Variants in BFSP1 observed in about 807,000 individuals in gnomAD.
BFSP1 encodes the protein filensin.
A neutral mutation model predicts 43.9 loss-of-function variants in BFSP1; 38 were observed. The ratio of observed to expected loss-of-function variants is 0.87; its 90% CI spans 0.67 to 1.14. The LOEUF (loss-of-function observed/expected upper bound fraction) is 1.14. Among genes scored for constraint, BFSP1 ranks in the 50% most tolerant of loss-of-function variants. The probability of loss-of-function intolerance (pLI) is 0.00; values close to 1 mark genes in which losing one functional copy is unlikely to be tolerated. For synonymous variants in BFSP1, 352 were observed against 354.8 expected (o/e 0.99, Z 0.09); for missense variants, 850 against 875.1 (o/e 0.97, Z 0.36).
intron 1 of BFSP1, 67 bp downstream of exon 1, chr20:17,530,886 C>A: frequency 7.6e-7 from 1 of 1,316,278 alleles, no homozygotes; most frequent in South Asian, 2.0e-5. Flanking sequence ...TAGCAGCGTG[C>A]TCCCAGCCCC....
chr20:17,496,342 C>T (rs561903754), intron 7 of BFSP1, among the ~76,000 whole-genome samples: 1 of 152,304 alleles, frequency 6.6e-6, no homozygotes, highest in South Asian at 2.1e-4. Context: ...CCAAATGCTG[C>T]GCTTGTTCAG....
intron 1 of BFSP1, among the ~76,000 whole-genome samples, chr20:17,568,682 A>T (rs1462994251): frequency 6.6e-6 from 1 of 152,138 alleles, no homozygotes; most frequent in Non-Finnish European, 1.5e-5. Flanking sequence ...TCAGGTGGTA[A>T]AGGCTTAGAA....
intron 2 of BFSP1, among the ~76,000 whole-genome samples, chr20:17,523,737 C>CTGTCCTGGTTTGAACATATCATACG (rs1568698805): frequency 2.0e-5 from 3 of 151,630 alleles, no homozygotes; most frequent in Non-Finnish European, 4.4e-5. Flanking sequence ...CTTTTGCACA[C>CTGTCCTGGTTTGAACATATCATACG]TGTCCTGGTT....
At chr20:17,496,505 G>A (rs890406654) in intron 7 of BFSP1, among the ~76,000 whole-genome samples, 5 of 152,270 alleles carry the variant, frequency 3.3e-5, no homozygotes, top group African/African-American at 1.2e-4. Flanking sequence ...CATGTTACAC[G>A]CGTTGGCACA....
At chr20:17,547,026 C>CAAAA (rs11324389) in intron 1 of BFSP1, among the ~76,000 whole-genome samples, 11 of 77,584 alleles carry the variant, frequency 1.4e-4, no homozygotes, top group African/African-American at 2.1e-4. Context: ...GACTCCATCT[C>CAAAA]AAAAAAAAAA....
At chr20:17,498,005 G>A (rs187333487) in intron 6 of BFSP1, among the ~76,000 whole-genome samples, 9 of 152,222 alleles carry the variant, frequency 5.9e-5, no homozygotes, top group African/African-American at 1.9e-4. Flanking sequence ...CAGATACACC[G>A]ACCAGCACTG....
At position 17,531,210 on chromosome 20, in the gene BFSP1, G is replaced by C. The variant is rs949869524; in HGVS notation, c.120C>G (p.Ser40Arg). 2 of 1,324,576 alleles carry C rather than the reference G, an allele frequency of 1.5e-6. No homozygotes were observed. Among genetic ancestry groups the C allele is most frequent in the South Asian group, 1.9e-5 (1 of 51,438 alleles). The allele number at this position is 1,324,576 out of a possible 1,614,324, so 82.1% of individuals were successfully genotyped here. The change falls in exon 1 of 8, where the codon AGC becomes AGG. Residue 40 changes from serine to arginine, a missense_variant. Coordinates refer to ENST00000377873, the MANE Select transcript of BFSP1 (RefSeq NM_001195.5). ...CGCCGAGCCCCTGCAGCGCCGCCAG[G>C]CTCGTTGCCCCAGCCCAGCCCTCGT... is the stretch of plus-strand genomic sequence containing the variant. ...PADEGWAGATSLAALQGLGER... is the reference protein window; with the variant it reads ...PADEGWAGATRLAALQGLGER...
chr20:17,505,944 T>TG (rs1369774718), intron 5 of BFSP1, among the ~76,000 whole-genome samples: 1 of 152,128 alleles, frequency 6.6e-6, no homozygotes, highest in East Asian at 1.9e-4. Flanking sequence ...ATATGTTACA[T>TG]GGCAAAAAGG....
chr20:17,510,866 G>C (rs556774007), intron 4 of BFSP1, among the ~76,000 whole-genome samples: 1 of 152,304 alleles, frequency 6.6e-6, no homozygotes, highest in Admixed American at 6.5e-5. Flanking sequence ...CTTATCTCTT[G>C]ACCAATCCAC....
In BFSP1 at chr20:17,507,422, G is replaced by A. The variant is rs1263019130; in HGVS notation, c.735+1467C>T. ...TTATTATATTTTAGTCTAGCATTTT[G>A]TTGACTTCCTTTTACATGCCAGTCA... On this transcript the variant is annotated intron_variant, in intron 5 of 7. Coordinates refer to ENST00000377873, the MANE Select transcript of BFSP1 (RefSeq NM_001195.5). This position sits in a 1 kb window ranked among gnomAD's most constrained non-coding sequence, Gnocchi z 4.4. 6.6e-6 allele frequency among the ~76,000 whole-genome samples: 1 copy of A among 151,884 alleles called. No homozygotes were observed. Among genetic ancestry groups the A allele is most frequent in the Non-Finnish European group, 1.5e-5 (1 of 67,980 alleles).
chr20:17,562,285 T>TG (rs199816387), upstream of BFSP1, among the ~76,000 whole-genome samples: 151,225 of 151,228 alleles, frequency 1, 75,611 homozygotes, highest in Middle Eastern at 1. Flanking sequence ...CCCAGCACTT[T>TG]GGAGGCCAAG....
chr20:17,535,591 T>G (rs1287207172), upstream of BFSP1, among the ~76,000 whole-genome samples: 1 of 152,342 alleles, frequency 6.6e-6, no homozygotes, highest in South Asian at 2.1e-4. Flanking sequence ...ATGCAACTTA[T>G]TCTCAAATGA....
chr20:17,509,099 A>C (rs1266737643), intron 4 of BFSP1, 103 bp from the exon 5 acceptor site: 4 of 819,402 alleles, frequency 4.9e-6, no homozygotes, highest in Non-Finnish European at 7.1e-6. Context: ...TGTCCCCCTG[A>C]ATTCTGTGTT....
intron 4 of BFSP1, among the ~76,000 whole-genome samples, chr20:17,510,123 A>G (rs1236411612): frequency 2.0e-5 from 3 of 152,186 alleles, no homozygotes; most frequent in African/African-American, 7.2e-5. Flanking sequence ...CACTTTCTCA[A>G]TCGGTGCTTC....
At chr20:17,521,849 T>C (rs374288334) in intron 2 of BFSP1, among the ~76,000 whole-genome samples, 3 of 152,240 alleles carry the variant, frequency 2.0e-5, no homozygotes, top group East Asian at 3.9e-4. Flanking sequence ...TCAGTACGGC[T>C]GGGGTCCCTC....
In BFSP1 at chr20:17,514,796, C is replaced by A; in HGVS notation, c.459G>T (p.Leu153=). The change falls in exon 3 of 8, where the codon CTG becomes CTT. Residue 153 remains leucine (L), a synonymous_variant. Transcript: ENST00000377873. ...RLNKEADEAL[L]HNLRLQLEAQ... ...CTTCCAGCTGAAGGCGTAGGTTATG[C>A]AGCAAGGCTTCATCAGCTTCCTGCA... The A allele has an allele frequency of 6.2e-7, 1 of 1,613,892 alleles. No homozygotes were observed. The highest frequency in any genetic ancestry group is 8.5e-7 in the Non-Finnish European group (1 of 1,179,904).
At chr20:17,563,364 C>CCCTCCCTTCCTA (rs1414679757), upstream of BFSP1, among the ~76,000 whole-genome samples, 5 of 133,756 alleles carry the variant, frequency 3.7e-5, no homozygotes, top group Non-Finnish European at 8.0e-5. Context: ...CTCCCTCCCT[C>CCCTCCCTTCCTA]CCTCCCTTCC....
intron 1 of BFSP1, among the ~76,000 whole-genome samples, chr20:17,550,156 G>A (rs1041711114): frequency 7.2e-5 from 11 of 152,170 alleles, no homozygotes; most frequent in Admixed American, 6.5e-4. Flanking sequence ...TCCTGACCCA[G>A]ACACCAAGAG....
chr20:17,526,924 A>G (rs1400122876), intron 1 of BFSP1, among the ~76,000 whole-genome samples: 1 of 152,204 alleles, frequency 6.6e-6, no homozygotes, highest in Non-Finnish European at 1.5e-5. Flanking sequence ...TATAGTTGAA[A>G]GCAATCCTAA....
Sources: gnomAD v4.1 joint callset for allele counts (sites outside exome capture counted in the v4.1 genomes callset) on GRCh38, gnomAD v4.1.1 for gene constraint, Gnocchi (gnomAD v3.1) non-coding constraint, MANE v1.5 for transcripts, NCBI Gene and HGNC (gene_info 2026-07-23, HGNC 2026-07-21) for gene names.